GPC3: variants seen among roughly 807,000 people sequenced by gnomAD.
GPC3 encodes glypican-3.
GPC3 carries 3 observed loss-of-function variants against 34.4 expected under a neutral mutation model. The observed-to-expected ratio is 0.09, with a 90% CI of 0.04 to 0.23. The LOEUF (loss-of-function observed/expected upper bound fraction) is 0.23. Among genes scored for constraint, GPC3 ranks in the 10% least tolerant of loss-of-function variants. The probability of loss-of-function intolerance (pLI) is 1.00; values close to 1 mark genes in which losing one functional copy is unlikely to be tolerated. For missense variants in GPC3, 351 were observed against 445.6 expected (o/e 0.79, Z 1.91); for synonymous variants, 177 against 174.0 (o/e 1.02, Z -0.13).
rs540408867 is a variant in GPC3, at chrX:133,577,768, C to T, written c.1573+18672G>A. Among the ~76,000 whole-genome samples the T allele has an allele frequency of 5.7e-4, 64 of 111,867 alleles. 1 individual carries two copies. In the South Asian group the frequency reaches 0.023, roughly 40 times the overall value. On this transcript the variant is annotated intron_variant, in intron 7 of 7. Transcript: ENST00000370818. ...AAGGGCAGGAAGGATTTATACACAT[C>T]GGGCTTCTTCCAAGAACGATAAATC...
intron 7 of GPC3, among the ~76,000 whole-genome samples, chrX:133,577,677 T>C: frequency 8.9e-6 from 1 of 112,284 alleles, no homozygotes; most frequent in Non-Finnish European, 1.9e-5. Context: ...AGGTCATCAT[T>C]TGGACAGGCT....
intron 2 of GPC3, among the ~76,000 whole-genome samples, chrX:133,925,030 T>A (rs1373417438): frequency 5.5e-5 from 6 of 108,792 alleles, no homozygotes; most frequent in Non-Finnish European, 3.8e-5. Flanking sequence ...ACCACTGCAC[T>A]CCAGCCTGGC....
intron 4 of GPC3, 76 bp from the exon 5 acceptor site, chrX:133,692,570 C>G: frequency 1.1e-6 from 1 of 939,461 alleles, no homozygotes; most frequent in South Asian, 2.0e-5. Flanking sequence ...TCCTTATCAG[C>G]ATGACAGAAA....
intron 1 of GPC3, among the ~76,000 whole-genome samples, chrX:133,966,192 G>A (rs1473342880): frequency 1.8e-5 from 2 of 112,245 alleles, no homozygotes; most frequent in African/African-American, 6.5e-5. Context: ...CATTCTCACT[G>A]CTCAAAGGCA....
At chrX:133,875,837 A>T (rs772561427) in intron 2 of GPC3, among the ~76,000 whole-genome samples, 9 of 111,600 alleles carry the variant, frequency 8.1e-5, no homozygotes, top group African/African-American at 2.9e-4. Flanking sequence ...CTACCATAAC[A>T]TGAACATTCT....
intron 7 of GPC3, among the ~76,000 whole-genome samples, chrX:133,593,100 C>G (rs918544091): frequency 4.6e-5 from 5 of 109,655 alleles, no homozygotes; most frequent in African/African-American, 1.7e-4. Context: ...CCGAGGCAGG[C>G]GGGGATCACA....
At chrX:133,602,908 G>A (rs115382863) in intron 6 of GPC3, among the ~76,000 whole-genome samples, 6,932 of 110,756 alleles carry the variant, frequency 0.063, 567 homozygotes, top group African/African-American at 0.21. Flanking sequence ...GATAATGCAT[G>A]TTGTAGAAGT....
intron 2 of GPC3, among the ~76,000 whole-genome samples, chrX:133,869,527 C>G (rs2075984216): frequency 8.9e-6 from 1 of 112,301 alleles, no homozygotes; most frequent in South Asian, 3.7e-4. Flanking sequence ...ACTACTGACA[C>G]AAACCATGGC....
chrX:133,586,871 A>G (rs760362426), intron 7 of GPC3, among the ~76,000 whole-genome samples: 1 of 111,409 alleles, frequency 9.0e-6, no homozygotes, highest in East Asian at 2.8e-4. Flanking sequence ...CGGGGTACAT[A>G]GTGATGTTTT....
At chrX:133,632,774 G>A (rs1294466106) in intron 6 of GPC3, among the ~76,000 whole-genome samples, 1 of 111,282 alleles carries the variant, frequency 9.0e-6, no homozygotes, top group Non-Finnish European at 1.9e-5. Flanking sequence ...ACAGGGGAAG[G>A]GACTGTGCTT....
intron 7 of GPC3, among the ~76,000 whole-genome samples, chrX:133,579,383 G>A (rs777105053): frequency 3.6e-5 from 4 of 112,047 alleles, no homozygotes; most frequent in Non-Finnish European, 7.5e-5. Context: ...TGTATGGCCA[G>A]GGCCATGCAA....
At chrX:133,819,995 T>C (rs1426909677) in intron 2 of GPC3, among the ~76,000 whole-genome samples, 2 of 112,040 alleles carry the variant, frequency 1.8e-5, no homozygotes, top group East Asian at 5.6e-4. Context: ...ACCTGAACTA[T>C]TATCTTCATT....
At chrX:133,765,557 C>T (rs1354900242) in intron 2 of GPC3, among the ~76,000 whole-genome samples, 3 of 111,249 alleles carry the variant, frequency 2.7e-5, no homozygotes, top group East Asian at 2.8e-4. Flanking sequence ...ATCTAGGGGA[C>T]GTTTTGTGTT....
intron 1 of GPC3, among the ~76,000 whole-genome samples, chrX:133,971,998 A>G (rs1454749828): frequency 3.6e-5 from 4 of 112,068 alleles, no homozygotes; most frequent in African/African-American, 1.3e-4. Flanking sequence ...ATGATTGAAT[A>G]AATGCTGGTT....
chrX:133,685,991 C>T (rs370008769), intron 5 of GPC3, among the ~76,000 whole-genome samples: 3 of 111,447 alleles, frequency 2.7e-5, no homozygotes, highest in Admixed American at 9.6e-5. Flanking sequence ...TCTGGCCCAG[C>T]AACATGATAA....
In GPC3 at chrX:133,817,801, A is replaced by G. The variant is rs749103623; in HGVS notation, c.338-63625T>C. On this transcript the variant is annotated intron_variant, in intron 2 of 7. Coordinates refer to ENST00000370818, the MANE Select transcript of GPC3 (RefSeq NM_004484.4). The stretch of plus-strand genomic sequence containing the variant: ...GCAAATTTGCATTTCAGATTTCTCA[A>G]AAATTATAATGCAAGTTAGCTGGCT... 7.4e-5 allele frequency among the ~76,000 whole-genome samples: 8 copies of G among 107,591 alleles called. No homozygotes were observed. The South Asian group carries it at 3.5e-3, about 47-fold the overall frequency. 93.4% of individuals were successfully genotyped at this position (107,591 alleles called of 115,157 possible).
chrX:133,896,052 G>C (rs773417715), intron 2 of GPC3, among the ~76,000 whole-genome samples: 4 of 111,898 alleles, frequency 3.6e-5, no homozygotes, highest in African/African-American at 1.3e-4. Context: ...ATTGGATAGA[G>C]GAAACAGCCC....
At chrX:133,821,207 A>T (rs960226482) in intron 2 of GPC3, among the ~76,000 whole-genome samples, 2 of 112,285 alleles carry the variant, frequency 1.8e-5, no homozygotes, top group African/African-American at 6.5e-5. Flanking sequence ...GGAAGCATAA[A>T]TGTACACTAA....
chrX:133,917,554 G>A (rs1464806199), intron 2 of GPC3, among the ~76,000 whole-genome samples: 7 of 111,843 alleles, frequency 6.3e-5, no homozygotes, highest in Admixed American at 1.9e-4. Flanking sequence ...TGTTAATTAT[G>A]TTCTTGTTTG....
Sources: gnomAD v4.1 joint callset for allele counts (sites outside exome capture counted in the v4.1 genomes callset) on GRCh38, gnomAD v4.1.1 for gene constraint, MANE v1.5 for transcripts, NCBI Gene and HGNC (gene_info 2026-07-23, HGNC 2026-07-21) for gene names.